Variants in CCSER2 observed in about 807,000 individuals in gnomAD.
CCSER2 encodes the protein coiled-coil serine rich protein 2, also known as serine-rich coiled-coil domain-containing protein 2.
A neutral mutation model predicts 92.3 loss-of-function variants in CCSER2; 46 were observed. The observed-to-expected ratio is 0.50, with a 90% confidence interval of 0.39 to 0.64. The LOEUF (loss-of-function observed/expected upper bound fraction) is 0.64. Ranked by LOEUF, CCSER2 falls within the 30% of genes least tolerant of loss-of-function variation. The probability of loss-of-function intolerance (pLI) is 0.00; values close to 1 mark genes in which losing one functional copy is unlikely to be tolerated. For synonymous variants in CCSER2, 433 were observed against 431.4 expected, an observed-to-expected ratio of 1.00 and a Z score of -0.04; for missense variants, 1,244 against 1,238.9, an observed-to-expected ratio of 1.00 and a Z score of -0.06.
intron 1 of CCSER2, among the ~76,000 whole-genome samples, chr10:84,361,715 C>A (rs953555175): frequency 2.0e-5 from 3 of 151,842 alleles, no homozygotes; most frequent in Admixed American, 6.6e-5. Context: ...AATCTCACCT[C>A]ACTGCAACCT....
intron 3 of CCSER2, among the ~76,000 whole-genome samples, 154 bp from the exon 4 acceptor site, chr10:84,417,615 CTA>C (rs1842947301): frequency 1.3e-5 from 2 of 152,102 alleles, no homozygotes; most frequent in Non-Finnish European, 1.5e-5. Flanking sequence ...CTAGTTGAAT[CTA>C]TTTTTATTTT....
At chr10:84,492,509 A>G (rs779823067) in intron 9 of CCSER2, among the ~76,000 whole-genome samples, 1 of 152,174 alleles carries the variant, frequency 6.6e-6, no homozygotes, top group Non-Finnish European at 1.5e-5. Context: ...ACTATGTTGA[A>G]TAAGAATTAT....
chr10:84,444,423 A>G (rs1469530189), intron 6 of CCSER2, among the ~76,000 whole-genome samples: 2 of 152,206 alleles, frequency 1.3e-5, no homozygotes, highest in South Asian at 2.1e-4. Flanking sequence ...ATTTATTTGG[A>G]CATTCTTCTA....
intron 6 of CCSER2, among the ~76,000 whole-genome samples, chr10:84,448,115 A>C (rs1289358279): frequency 6.6e-6 from 1 of 151,632 alleles, no homozygotes; most frequent in East Asian, 2.0e-4. Context: ...ACGCCTTCTC[A>C]CTCTGCTTGG....
chr10:84,399,511 G>C (rs916375468), intron 3 of CCSER2, among the ~76,000 whole-genome samples: 4 of 152,154 alleles, frequency 2.6e-5, no homozygotes, highest in Non-Finnish European at 5.9e-5. Context: ...AAGTCGGGAT[G>C]AGTGTTAGTC....
intron 4 of CCSER2, among the ~76,000 whole-genome samples, chr10:84,420,180 G>GAA (rs565279939): frequency 8.6e-4 from 131 of 152,332 alleles, no homozygotes; most frequent in African/African-American, 3.1e-3. Flanking sequence ...GCAGACAACA[G>GAA]AAAGTTACCC....
chr10:84,347,422 C>T (rs1844561213), intron 1 of CCSER2, among the ~76,000 whole-genome samples: 1 of 148,650 alleles, frequency 6.7e-6, no homozygotes, highest in South Asian at 2.2e-4. Context: ...TGACCCCCCA[C>T]CTCCCTCCCG....
chr10:84,379,625 G>A (rs947687285), intron 3 of CCSER2, among the ~76,000 whole-genome samples: 11 of 151,850 alleles, frequency 7.2e-5, no homozygotes, highest in African/African-American at 1.5e-4. Context: ...TTTTATGTGC[G>A]TTGTTTTAAA....
chr10:84,499,729 G>GC (rs763664446), intron 9 of CCSER2: 333 of 627,610 alleles, frequency 5.3e-4, no homozygotes, highest in Middle Eastern at 1.3e-3. Flanking sequence ...AATTTGAGCT[G>GC]CCTGTATTTT....
chr10:84,387,400 C>G (rs1389845970), intron 3 of CCSER2, among the ~76,000 whole-genome samples: 1 of 152,180 alleles, frequency 6.6e-6, no homozygotes, highest in African/African-American at 2.4e-5. Flanking sequence ...ATAAATGGCT[C>G]TTTCCCGTTA....
In CCSER2 at chr10:84,513,553, C is replaced by A; in HGVS notation, c.2430C>A (p.Ile810=). The change falls in exon 10 of 10, where the codon ATC becomes ATA. Residue 810 remains isoleucine, a synonymous_variant. Coordinates refer to ENST00000372088, the MANE Select transcript of CCSER2 (RefSeq NM_001284240.2). The part of the protein sequence containing the change: ...QRIEARSECS[I]QDMHQGGAHP... ...TCGAGGCCCGCAGTGAATGCTCAAT[C>A]CAAGACATGCATCAGGGCGGTGCAC... is the stretch of plus-strand genomic sequence containing the variant. 1 of 1,614,058 alleles carries A rather than the reference C, an allele frequency of 6.2e-7. No homozygotes were observed. Among genetic ancestry groups the A allele is most frequent in the Non-Finnish European group, 8.5e-7 (1 of 1,180,004 alleles).
chr10:84,425,029 T>C (rs1843354590), intron 4 of CCSER2: 3 of 980,814 alleles, frequency 3.1e-6, no homozygotes, highest in Non-Finnish European at 3.6e-6. Context: ...TGCTCAGATA[T>C]GTGAGGAAAA....
intron 9 of CCSER2, among the ~76,000 whole-genome samples, chr10:84,483,101 G>A (rs1472764616): frequency 1.0e-5 from 1 of 97,738 alleles, no homozygotes; most frequent in Non-Finnish European, 2.7e-5. Context: ...GGTCAGCATT[G>A]TCAACCACCC....
chr10:84,329,763 C>T (rs1273392922), intron 1 of CCSER2, among the ~76,000 whole-genome samples: 1 of 152,102 alleles, frequency 6.6e-6, no homozygotes, highest in Non-Finnish European at 1.5e-5. Context: ...ATGTCTTATC[C>T]GTCATCCATA....
chr10:84,437,506 T>A (rs1208758156), intron 5 of CCSER2, among the ~76,000 whole-genome samples: 1 of 117,888 alleles, frequency 8.5e-6, no homozygotes, highest in African/African-American at 4.1e-5. Context: ...TGAGCGAGAC[T>A]CTGTCTCAAA....
chr10:84,466,026 C>G (rs1049478923), intron 7 of CCSER2, among the ~76,000 whole-genome samples: 1 of 152,220 alleles, frequency 6.6e-6, no homozygotes, highest in African/African-American at 2.4e-5. Flanking sequence ...GCGTGAGCCA[C>G]TGTGCCCGGC....
intron 9 of CCSER2, among the ~76,000 whole-genome samples, chr10:84,493,024 T>C (rs935069665): frequency 6.6e-6 from 1 of 152,246 alleles, no homozygotes; most frequent in African/African-American, 2.4e-5. Context: ...GAAGAGATAG[T>C]GTAGAATTAA....
intron 6 of CCSER2, among the ~76,000 whole-genome samples, chr10:84,457,687 TATATATTTATATATAATTATATTA>T (rs1845852192): frequency 2.4e-5 from 3 of 127,112 alleles, no homozygotes; most frequent in African/African-American, 8.7e-5. Context: ...ATATAAATTA[TATATATTTATATATAATTATATTA>T]TATATAAATA....
At chr10:84,416,706 A>G (rs942621005) in intron 3 of CCSER2, among the ~76,000 whole-genome samples, 6 of 152,138 alleles carry the variant, frequency 3.9e-5, no homozygotes, top group African/African-American at 1.2e-4. Flanking sequence ...AGGCAGGCAG[A>G]TCATGAGGTC....
Sources: allele counts gnomAD v4.1 joint callset (sites outside exome capture counted in the v4.1 genomes callset), GRCh38; gene constraint gnomAD v4.1.1; transcripts MANE v1.5; gene names NCBI Gene and HGNC (gene_info 2026-07-23, HGNC 2026-07-21).